Variants in XPO7 observed in about 807,000 individuals in gnomAD.
The protein encoded by XPO7 is exportin 7, also known as exportin-7.
In XPO7, 21 loss-of-function variants were observed where a neutral mutation model predicts 144.3. The observed-to-expected ratio is 0.15, with a 90% CI of 0.10 to 0.21. XPO7 has a LOEUF of 0.21. XPO7 is among the 10% of genes least tolerant of loss of function. The pLI is 1.00. For synonymous variants in XPO7, 580 were observed against 499.6 expected, an observed-to-expected ratio of 1.16 and a Z score of -2.15; for missense variants, 808 against 1,325.8, an observed-to-expected ratio of 0.61 and a Z score of 6.06.
intron 1 of XPO7, among the ~76,000 whole-genome samples, chr8:21,963,888 C>T (rs536175839): frequency 3.9e-5 from 6 of 152,230 alleles, no homozygotes; most frequent in South Asian, 2.1e-4. Flanking sequence ...CAACAAATCT[C>T]GCCTTATGTT....
chr8:21,927,648 C>G (rs1205525503), intron 1 of XPO7, among the ~76,000 whole-genome samples: 1 of 151,032 alleles, frequency 6.6e-6, no homozygotes. Context: ...CGGGTTCAAG[C>G]AGTTCTCCTG....
rs756200818 is a variant in XPO7 at position 21,970,280 on chromosome 8, T to C, written c.396T>C (p.Asn132=). ...AGAAGGATGACTATGTCTTCAGAAA[T>C]GCAATCACAGACGTCACAAGGTTTT... ...DCQKDDYVFR[N]AITDVTRFLQ... Residue 132 remains asparagine, a synonymous_variant, in exon 4 of 28, where the codon AAT becomes AAC. Transcript: ENST00000252512. 2 of 1,613,660 alleles carry C rather than the reference T, an allele frequency of 1.2e-6. No homozygotes were observed. The highest frequency in any genetic ancestry group is 2.2e-5 in the South Asian group (2 of 91,042).
intron 10 of XPO7, 67 bp downstream of exon 10, chr8:21,981,944 A>G: frequency 1.3e-6 from 2 of 1,581,152 alleles, no homozygotes; most frequent in Non-Finnish European, 1.7e-6. Flanking sequence ...GGTTTTAACC[A>G]TGTAAGAATA....
intron 1 of XPO7, among the ~76,000 whole-genome samples, chr8:21,924,590 A>G (rs77960127): frequency 1.3e-4 from 19 of 151,972 alleles, no homozygotes; most frequent in African/African-American, 4.6e-4. Context: ...CTTTGGGGGG[A>G]TTTATTTCAT....
intron 21 of XPO7, 145 bp from the exon 22 acceptor site, chr8:21,998,610 C>T (rs910477695): frequency 6.7e-6 from 4 of 594,340 alleles, no homozygotes; most frequent in Non-Finnish European, 1.2e-5. Context: ...ATATCTATAA[C>T]TTGGTTATTC....
intron 1 of XPO7, among the ~76,000 whole-genome samples, chr8:21,957,417 T>C (rs1258481831): frequency 6.6e-6 from 1 of 152,178 alleles, no homozygotes; most frequent in African/African-American, 2.4e-5. Flanking sequence ...ATAAATGAAG[T>C]TTGTTCAGCT....
intron 1 of XPO7, 33 bp downstream of exon 1, chr8:21,919,821 A>G (rs1346720947): frequency 4.8e-6 from 2 of 420,234 alleles, no homozygotes; most frequent in Non-Finnish European, 3.8e-6. Flanking sequence ...GGGGGCGACC[A>G]CGAAGAGCGG....
In XPO7 at chr8:21,965,573, T is replaced by G. The variant is rs184453808; in HGVS notation, c.19-1284T>G. 3.5e-3 allele frequency among the ~76,000 whole-genome samples: 538 copies of G among 152,292 alleles called. 2 individuals are homozygous for G. Among genetic ancestry groups the G allele is most frequent in the Non-Finnish European group, 6.2e-3 (425 of 68,018 alleles). On this transcript the variant is annotated intron_variant, in intron 1 of 27. Coordinates refer to ENST00000252512, the MANE Select transcript of XPO7 (RefSeq NM_015024.5). Reference sequence around the variant, plus strand: ...GTTTGTTTCGTTTTAAGGGCAAGGTTGTTGTTTTGTTCTTTTGGGGGCTGT... The same window carrying G: ...GTTTGTTTCGTTTTAAGGGCAAGGTGGTTGTTTTGTTCTTTTGGGGGCTGT...
At chr8:21,987,354 A>C (rs771244090) in intron 14 of XPO7, 78 bp downstream of exon 14, 86 of 1,577,022 alleles carry the variant, frequency 5.5e-5, no homozygotes, top group Non-Finnish European at 7.1e-5. Context: ...ACAGTTGCTG[A>C]TAGTTCACAT....
intron 1 of XPO7, among the ~76,000 whole-genome samples, chr8:21,921,146 A>G (rs532997884): frequency 1.3e-5 from 2 of 152,324 alleles, no homozygotes; most frequent in East Asian, 1.9e-4. Flanking sequence ...AGGAGATGAT[A>G]ATAATGATAA....
At chr8:21,927,650 G>GA (rs1810504038) in intron 1 of XPO7, among the ~76,000 whole-genome samples, 1 of 149,862 alleles carries the variant, frequency 6.7e-6, no homozygotes, top group Non-Finnish European at 1.5e-5. Flanking sequence ...GGTTCAAGCA[G>GA]TTCTCCTGCC....
intron 1 of XPO7, among the ~76,000 whole-genome samples, chr8:21,961,567 C>G (rs1811726645): frequency 6.6e-6 from 1 of 152,144 alleles, no homozygotes; most frequent in Non-Finnish European, 1.5e-5. Context: ...TGAATCAGTT[C>G]AGACTAAACT....
chr8:21,951,196 G>A (rs926077624), intron 1 of XPO7, among the ~76,000 whole-genome samples: 11 of 151,858 alleles, frequency 7.2e-5, no homozygotes, highest in South Asian at 2.1e-4. Flanking sequence ...GGACTTGGTG[G>A]ACATTATCCA....
chr8:21,988,514 C>T (rs1438871605), intron 15 of XPO7: 3 of 162,176 alleles, frequency 1.8e-5, no homozygotes, highest in African/African-American at 7.2e-5. Flanking sequence ...TGCCTCCTAC[C>T]AACTGTCCCA....
chr8:21,947,708 A>G (rs1051765505), intron 1 of XPO7, among the ~76,000 whole-genome samples: 3 of 152,212 alleles, frequency 2.0e-5, no homozygotes, highest in Non-Finnish European at 2.9e-5. Flanking sequence ...GAAAATAATG[A>G]TAAATTAGGC....
In XPO7 at chr8:21,999,130, A is replaced by G; in HGVS notation, c.2468A>G (p.Gln823Arg). 1 of 1,613,982 alleles carries G rather than the reference A, an allele frequency of 6.2e-7. No homozygotes were observed. ...ACACTAGGAGAGGTCCCAAAGGATC[A>G]GGTCTATGCTCTGAAGCTCAAGGGC... ...ILTLGEVPKD[Q>R]VYALKLKGIS... The change falls in exon 23 of 28, where the codon CAG becomes CGG. Residue 823 changes from glutamine to arginine, a missense_variant. Physicochemically the swap from Gln to Arg is conservative, Grantham distance 43. This residue lies in a region of XPO7 where 416 missense variants were observed against 612.5 expected (regional missense o/e 0.68). Coordinates refer to ENST00000252512, the MANE Select transcript of XPO7 (RefSeq NM_015024.5).
chr8:21,964,935 G>A (rs1291889962), intron 1 of XPO7, among the ~76,000 whole-genome samples: 1 of 152,178 alleles, frequency 6.6e-6, no homozygotes, highest in Non-Finnish European at 1.5e-5. Context: ...TTTAAGGAGA[G>A]CCATTATACC....
rs181025128 is a variant in XPO7, at chr8:21,942,138, G to A, written c.18+22350G>A. 9.9e-5 allele frequency among the ~76,000 whole-genome samples: 15 copies of A among 152,258 alleles called. No homozygotes were observed. The East Asian group carries it at 2.9e-3, about 29-fold the overall frequency. On this transcript the variant is annotated intron_variant, in intron 1 of 27. Transcript: ENST00000252512. ...CAAATAGTTTTCCTAAGTATTTCTT[G>A]GTAAATAAGATAAATTAGATCTTTT...
chr8:21,984,945 C>A (rs937976602), intron 12 of XPO7, 106 bp downstream of exon 12: 5 of 1,236,588 alleles, frequency 4.0e-6, no homozygotes, highest in Non-Finnish European at 4.5e-6. Context: ...AGGATTCTTT[C>A]ATCATCTGTT....
Sources: gnomAD v4.1 joint callset for allele counts (sites outside exome capture counted in the v4.1 genomes callset) on GRCh38, gnomAD v4.1.1 for gene constraint, gnomAD v4.1.1 regional missense constraint, MANE v1.5 for transcripts, NCBI Gene and HGNC (gene_info 2026-07-23, HGNC 2026-07-21) for gene names.